EFCAB6: variants seen among roughly 807,000 people sequenced by gnomAD.
EFCAB6 encodes the protein EF-hand calcium-binding domain-containing protein 6.
In EFCAB6, 156 loss-of-function variants were observed where a neutral mutation model predicts 169.8. The ratio of observed to expected loss-of-function variants is 0.92; its 90% CI spans 0.81 to 1.05. The LOEUF (loss-of-function observed/expected upper bound fraction) is 1.05, where lower values mean the gene tolerates loss of function less well. Among genes scored for constraint, EFCAB6 ranks in the 50% least tolerant of loss-of-function variants. The pLI, the probability that EFCAB6 is intolerant of heterozygous loss-of-function variation, is 0.00. For missense variants in EFCAB6, 1,800 were observed against 1,829.1 expected, an observed-to-expected ratio of 0.98 and a Z score of 0.29; for synonymous variants, 698 against 676.4, an observed-to-expected ratio of 1.03 and a Z score of -0.50.
At chr22:43,563,320 T>C (rs2049190907) in intron 26 of EFCAB6, among the ~76,000 whole-genome samples, 2 of 152,202 alleles carry the variant, frequency 1.3e-5, no homozygotes, top group Admixed American at 1.3e-4. Flanking sequence ...AACAGCCACC[T>C]CTTTGGAAAG....
chr22:43,760,238 A>C lies in EFCAB6; in HGVS notation c.441-4406T>G, dbSNP rs1434444031. Among the ~76,000 whole-genome samples the C allele has an allele frequency of 2.0e-5, 3 of 151,336 alleles. No individual in the cohort carries two copies. In the East Asian group the frequency reaches 5.8e-4, roughly 30 times the overall value. ...AAAAAAAGAAAAAAGAAAAAAAAAG[A>C]AAACAAATATAAGTATATAATATAG... On this transcript the variant is annotated intron_variant, in intron 5 of 31. Transcript: ENST00000262726.
At position 43,554,853 on chromosome 22, in the gene EFCAB6, G is replaced by T; in HGVS notation, c.3648+16C>A. On this transcript the variant is annotated intron_variant, in intron 27 of 31. Coordinates refer to ENST00000262726, the MANE Select transcript of EFCAB6 (RefSeq NM_022785.4). ...GCCAACGGTGTGCAGGGTGAGGACT[G>T]ACTGGCGTTTCTTACCTGTTCGTCC... is the stretch of plus-strand genomic sequence containing the variant. The T allele has an allele frequency of 6.2e-7, 1 of 1,612,132 alleles. No homozygotes were observed. Among genetic ancestry groups the T allele is most frequent in the South Asian group, 1.1e-5 (1 of 91,010 alleles).
At chr22:43,625,634 G>A (rs1485891561) in intron 20 of EFCAB6, among the ~76,000 whole-genome samples, 4 of 152,344 alleles carry the variant, frequency 2.6e-5, no homozygotes, top group South Asian at 2.1e-4. Context: ...TAAGAGTGAC[G>A]CCATATGGGC....
intron 23 of EFCAB6, among the ~76,000 whole-genome samples, chr22:43,590,604 C>G (rs569074411): frequency 2.6e-5 from 4 of 152,214 alleles, no homozygotes; most frequent in African/African-American, 9.6e-5. Flanking sequence ...TATGACATGC[C>G]AGATGCTCCT....
chr22:43,533,943 C>T (rs745791030), intron 30 of EFCAB6, among the ~76,000 whole-genome samples: 160 of 152,274 alleles, frequency 1.1e-3, no homozygotes, highest in Non-Finnish European at 1.1e-3. Context: ...CTAGGTGATC[C>T]GCAAGTGCGA....
chr22:43,763,308 G>A (rs955057791), intron 5 of EFCAB6, among the ~76,000 whole-genome samples: 1 of 152,080 alleles, frequency 6.6e-6, no homozygotes. Flanking sequence ...CAAAGTGCTG[G>A]GATTACAGGC....
chr22:43,723,239 T>C (rs915990798), intron 8 of EFCAB6, among the ~76,000 whole-genome samples: 1 of 152,176 alleles, frequency 6.6e-6, no homozygotes, highest in Non-Finnish European at 1.5e-5. Flanking sequence ...GTAAAGATGC[T>C]ATGAACATTG....
Position 43,572,004 on chromosome 22 carries a change from T to A in EFCAB6, c.3420+4293A>T, listed in dbSNP as rs1436395768. Among the ~76,000 whole-genome samples the A allele has an allele frequency of 1.3e-5, 2 of 152,158 alleles. No individual in the cohort carries two copies. The highest frequency in any genetic ancestry group is 4.8e-5 in the African/African-American group (2 of 41,422). On this transcript the variant is annotated intron_variant, in intron 26 of 31. Coordinates refer to ENST00000262726, the MANE Select transcript of EFCAB6 (RefSeq NM_022785.4). The surrounding 1 kb of genome is among the most constrained non-coding windows in gnomAD (Gnocchi z 4.0). The stretch of plus-strand genomic sequence containing the variant: ...CTCCTAGGCCAATTTAGGGGGTTGA[T>A]CCCATTGAATTCCCAGAAAACAGAT...
At chr22:43,649,455 C>T (rs2056353196) in intron 17 of EFCAB6, among the ~76,000 whole-genome samples, 6 of 151,980 alleles carry the variant, frequency 3.9e-5, no homozygotes, top group Admixed American at 2.6e-4. Context: ...AAATGTGAAA[C>T]ATTACAGTAT....
At chr22:43,724,692 A>G (rs529667590) in intron 8 of EFCAB6, among the ~76,000 whole-genome samples, 2 of 152,006 alleles carry the variant, frequency 1.3e-5, no homozygotes, top group Non-Finnish European at 2.9e-5. Context: ...TTCTATCAAC[A>G]TTCTGGTCAC....
chr22:43,627,056 T>C (rs2054578995), intron 19 of EFCAB6, among the ~76,000 whole-genome samples: 1 of 152,182 alleles, frequency 6.6e-6, no homozygotes, highest in South Asian at 2.1e-4. Context: ...ATCACTTTCA[T>C]AATGTCTGGC....
intron 23 of EFCAB6, among the ~76,000 whole-genome samples, chr22:43,598,292 A>C (rs2052181781): frequency 7.9e-6 from 1 of 126,650 alleles, no homozygotes; most frequent in African/African-American, 3.2e-5. Flanking sequence ...GGGTGATGAA[A>C]GTGAGACACT....
intron 2 of EFCAB6, among the ~76,000 whole-genome samples, chr22:43,808,053 T>G (rs2082344621): frequency 6.6e-6 from 1 of 152,204 alleles, no homozygotes; most frequent in African/African-American, 2.4e-5. Context: ...TATCCATGGG[T>G]TCCACATCCA....
At chr22:43,758,308 C>A (rs2061030270) in intron 5 of EFCAB6, among the ~76,000 whole-genome samples, 1 of 152,058 alleles carries the variant, frequency 6.6e-6, no homozygotes, top group Admixed American at 6.5e-5. Context: ...TTTGTAGTAT[C>A]TGTTGTAGAT....
At position 43,528,872 on chromosome 22, in the gene EFCAB6, A is replaced by G; in HGVS notation, c.4487T>C (p.Leu1496Pro). The G allele has an allele frequency of 6.2e-7, 1 of 1,610,790 alleles. No individual in the cohort carries two copies. The highest frequency in any genetic ancestry group is 8.5e-7 in the Non-Finnish European group (1 of 1,177,338). The change falls in exon 32 of 32, where the codon CTC (leucine) becomes CCC (proline). Residue 1496 changes from leucine to proline, a missense_variant. By Grantham distance (98) the Leu-to-Pro change is moderately conservative (BLOSUM62 -3). Transcript: ENST00000262726. ...LSSKISYNDFLRAFLQ is the reference protein window; with the variant it reads ...LSSKISYNDFPRAFLQ ...GGGTGTCTACTGGAGGAATGCCCGG[A>G]GGAAGTCGTTGTAGGAGATTTTTGA...
At chr22:43,688,235 C>G (rs953545750) in intron 10 of EFCAB6, among the ~76,000 whole-genome samples, 2 of 152,110 alleles carry the variant, frequency 1.3e-5, no homozygotes, top group African/African-American at 4.8e-5. Context: ...TGAATTTGCC[C>G]CCAGATTCCC....
intron 7 of EFCAB6, among the ~76,000 whole-genome samples, chr22:43,734,140 A>G (rs2060051923): frequency 6.6e-6 from 1 of 152,162 alleles, no homozygotes; most frequent in South Asian, 2.1e-4. Flanking sequence ...CATTTCTACC[A>G]CACCAAGAGC....
At chr22:43,786,944 A>G (rs1445081211) in intron 2 of EFCAB6, among the ~76,000 whole-genome samples, 1 of 152,152 alleles carries the variant, frequency 6.6e-6, no homozygotes, top group African/African-American at 2.4e-5. Flanking sequence ...ATTATTAATC[A>G]AGGAAAAAAA....
intron 17 of EFCAB6, among the ~76,000 whole-genome samples, chr22:43,655,715 T>A (rs1449416542): frequency 6.6e-6 from 1 of 152,142 alleles, no homozygotes; most frequent in Admixed American, 6.5e-5. Context: ...TCAGACTGTA[T>A]TTTTTTAATT....
Sources: allele counts gnomAD v4.1 joint callset (sites outside exome capture counted in the v4.1 genomes callset), GRCh38; gene constraint gnomAD v4.1.1; non-coding constraint Gnocchi (gnomAD v3.1); transcripts MANE v1.5; gene names NCBI Gene and HGNC (gene_info 2026-07-23, HGNC 2026-07-21).